TRIM24: variants seen among roughly 807,000 people sequenced by gnomAD.
The protein encoded by TRIM24 is transcription intermediary factor 1-alpha.
In TRIM24, 29 loss-of-function variants were observed where a neutral mutation model predicts 123.9. The observed-to-expected ratio is 0.23, with a 90% CI of 0.17 to 0.32. TRIM24 has a LOEUF of 0.32. TRIM24 is among the 10% of genes least tolerant of loss of function. The pLI is 1.00. For missense variants in TRIM24, 932 were observed against 1,295.3 expected (o/e 0.72, Z 4.31); for synonymous variants, 456 against 461.1 (o/e 0.99, Z 0.14).
intron 1 of TRIM24, among the ~76,000 whole-genome samples, chr7:138,490,334 C>T (rs1225231164): frequency 6.6e-6 from 1 of 152,138 alleles, no homozygotes; most frequent in African/African-American, 2.4e-5. Context: ...TATTACCAAC[C>T]TTCTGATGCC....
At chr7:138,465,287 T>C (rs1795111377) in intron 1 of TRIM24, among the ~76,000 whole-genome samples, 1 of 152,220 alleles carries the variant, frequency 6.6e-6, no homozygotes, top group East Asian at 1.9e-4. Flanking sequence ...ACTGTCATTT[T>C]CTTAGTATGC....
chr7:138,570,677 T>C (rs1371925183), intron 10 of TRIM24, among the ~76,000 whole-genome samples, 153 bp from the exon 11 acceptor site: 1 of 140,912 alleles, frequency 7.1e-6, no homozygotes, highest in Non-Finnish European at 1.5e-5. Flanking sequence ...TTAATGAAAA[T>C]TATATATACT....
rs1258996534 is a variant in TRIM24, at chr7:138,589,821, A to G, written c.*4870A>G. ...AAGTTTGAAAGGTTTTGATTCTTGT[A>G]ATTTCTGAGAATTACTATGTTTTAA... On this transcript the variant is annotated 3_prime_UTR_variant, in exon 19 of 19. Coordinates refer to ENST00000343526, the MANE Select transcript of TRIM24 (RefSeq NM_015905.3). 1 of 152,146 alleles carries G rather than the reference A, an allele frequency of 6.6e-6. No individual in the cohort carries two copies. The highest frequency in any genetic ancestry group is 2.1e-4 in the South Asian group (1 of 4,832). 9.4% of individuals were successfully genotyped at this position (152,146 alleles called of 1,614,324 possible).
chr7:138,549,325 G>A (rs1797163699), intron 7 of TRIM24, among the ~76,000 whole-genome samples: 1 of 152,170 alleles, frequency 6.6e-6, no homozygotes, highest in South Asian at 2.1e-4. Flanking sequence ...CTGAGCCCTG[G>A]GCATTCCAGC....
rs755573718 is a variant in TRIM24, at chr7:138,504,455, T to G, written c.483+47T>G. 8.7e-3 allele frequency: 9,246 copies of G among 1,068,694 alleles called. 122 individuals are homozygous for G. The highest frequency in any genetic ancestry group is 0.01 in the South Asian group (470 of 46,872). The allele number at this position is 1,068,694 out of a possible 1,614,324, so 66.2% of individuals were successfully genotyped here. A position where few individuals can be genotyped will look rare whatever the true frequency, so the allele number is the denominator to read the frequency against. Reference sequence around the variant, plus strand: ...CCTTTTGCCTGCCAGCTCTTTTTTTTTTTTTTTTTTTTTTTTTTGAGACAG... The same window carrying G: ...CCTTTTGCCTGCCAGCTCTTTTTTTGTTTTTTTTTTTTTTTTTTGAGACAG... On this transcript the variant is annotated intron_variant, in intron 2 of 18. Coordinates refer to ENST00000343526, the MANE Select transcript of TRIM24 (RefSeq NM_015905.3).
rs142422950 is a variant in TRIM24 at position 138,465,513 on chromosome 7, T to A, written c.364+4601T>A. Among the ~76,000 whole-genome samples, 9 of 152,360 alleles carry A rather than the reference T, an allele frequency of 5.9e-5. No individual in the cohort carries two copies. The East Asian group carries it at 1.7e-3, about 29-fold the overall frequency. On this transcript the variant is annotated intron_variant, in intron 1 of 18. Transcript: ENST00000343526. ...TTGAAGAGCTATTTTTAACAAATAC[T>A]GAGAACATACTTTTGAAAGGTATTA...
chr7:138,589,287 A>G lies in TRIM24; in HGVS notation c.*4336A>G, dbSNP rs1798067202. 1.3e-5 allele frequency: 2 copies of G among 152,170 alleles called. No individual in the cohort carries two copies. Among genetic ancestry groups the G allele is most frequent in the African/African-American group, 4.8e-5 (2 of 41,442 alleles). 9.4% of individuals were successfully genotyped at this position (152,170 alleles called of 1,614,324 possible). Reference sequence around the variant, plus strand: ...ATGAAGGTTTTACTTATTGAGAGGGACATCTGAGGCAGTAGTCTTCGTCTT... The same window carrying G: ...ATGAAGGTTTTACTTATTGAGAGGGGCATCTGAGGCAGTAGTCTTCGTCTT... On this transcript the variant is annotated 3_prime_UTR_variant, in exon 19 of 19. Transcript: ENST00000343526.
At position 138,583,358 on chromosome 7, in the gene TRIM24, G is replaced by A. The variant is rs183439082; in HGVS notation, c.2794-492G>A. On this transcript the variant is annotated intron_variant, in intron 17 of 18. Transcript: ENST00000343526. ...ATTGGGGCTGGGTGCAGTGGCTCAC[G>A]CCTGTAATCCCAACATTTTGGGAGG... Among the ~76,000 whole-genome samples the A allele has an allele frequency of 4.9e-4, 74 of 152,250 alleles. 1 individual carries two copies. Among genetic ancestry groups the A allele is most frequent in the African/African-American group, 1.7e-3 (71 of 41,570 alleles).
At chr7:138,563,849 C>T (rs1254122559) in intron 9 of TRIM24, among the ~76,000 whole-genome samples, 3 of 152,296 alleles carry the variant, frequency 2.0e-5, no homozygotes, top group Non-Finnish European at 4.4e-5. Context: ...GAGTGCTTCT[C>T]GGTACCTCTG....
intron 6 of TRIM24, among the ~76,000 whole-genome samples, chr7:138,531,078 C>G (rs981205401): frequency 6.6e-6 from 1 of 152,084 alleles, no homozygotes; most frequent in African/African-American, 2.4e-5. Context: ...ATCCTCCTGA[C>G]TGAGAAGCTG....
intron 1 of TRIM24, among the ~76,000 whole-genome samples, chr7:138,464,383 A>C (rs1376743944): frequency 6.6e-6 from 1 of 151,884 alleles, no homozygotes; most frequent in Non-Finnish European, 1.5e-5. Context: ...TACAGGCATC[A>C]CAAGTCAAGT....
chr7:138,558,218 T>C (rs1380241771), intron 9 of TRIM24, among the ~76,000 whole-genome samples: 4 of 152,096 alleles, frequency 2.6e-5, no homozygotes, highest in Admixed American at 2.6e-4. Context: ...AACAGGAGAA[T>C]GGACTAGGGT....
At chr7:138,543,633 A>G (rs1485214016) in intron 7 of TRIM24, among the ~76,000 whole-genome samples, 1 of 152,176 alleles carries the variant, frequency 6.6e-6, no homozygotes, top group Non-Finnish European at 1.5e-5. Flanking sequence ...ATATTTTACT[A>G]TATATTTAAA....
rs964895899 is a variant in TRIM24 at position 138,528,727 on chromosome 7, A to G, written c.882-389A>G. Among the ~76,000 whole-genome samples, 20 of 151,298 alleles carry G rather than the reference A, an allele frequency of 1.3e-4. No individual in the cohort carries two copies. The East Asian group carries it at 1.6e-3, about 12-fold the overall frequency. Reference sequence around the variant, plus strand: ...TTTCTAGCTTTCGGTTGCAATTAATATAGTAGAACATGTTCAGAATCATCA... The same window carrying G: ...TTTCTAGCTTTCGGTTGCAATTAATGTAGTAGAACATGTTCAGAATCATCA... On this transcript the variant is annotated intron_variant, in intron 5 of 18. Transcript: ENST00000343526.
intron 1 of TRIM24, among the ~76,000 whole-genome samples, chr7:138,477,814 A>C (rs1444678038): frequency 6.6e-6 from 1 of 152,162 alleles, no homozygotes; most frequent in Non-Finnish European, 1.5e-5. Context: ...AGGCTTGAAA[A>C]GGTTTGGAGC....
chr7:138,470,527 C>T (rs1177608525), intron 1 of TRIM24, among the ~76,000 whole-genome samples: 4 of 152,154 alleles, frequency 2.6e-5, no homozygotes, highest in African/African-American at 9.7e-5. Flanking sequence ...TAGGCCATTA[C>T]CAGGCCTCTG....
Position 138,579,278 on chromosome 7 carries a change from G to A in TRIM24, c.2331G>A (p.Val777=), listed in dbSNP as rs1471330398. ...SSQSSTSEET[V]LRSDAPDSTG... is the part of the protein sequence containing the mutation. ...AGAGCTCTACTTCTGAGGAGACTGT[G>A]CTAAGATCAGATGCCCCTGATAGTA... The change falls in exon 15 of 19, where the codon GTG becomes GTA. Residue 777 remains valine, a synonymous_variant. Transcript: ENST00000343526. The A allele has an allele frequency of 6.2e-7, 1 of 1,614,026 alleles. No homozygotes were observed. Among genetic ancestry groups the A allele is most frequent in the African/African-American group, 1.3e-5 (1 of 74,918 alleles).
intron 1 of TRIM24, among the ~76,000 whole-genome samples, chr7:138,487,774 G>A (rs1359191447): frequency 6.6e-5 from 10 of 151,994 alleles, no homozygotes; most frequent in Admixed American, 3.3e-4. Flanking sequence ...TTTTCACATC[G>A]ATGTTCATCA....
At chr7:138,540,240 T>C (rs1796975325) in intron 7 of TRIM24, among the ~76,000 whole-genome samples, 1 of 152,208 alleles carries the variant, frequency 6.6e-6, no homozygotes, top group Non-Finnish European at 1.5e-5. Context: ...TAAAATAAGA[T>C]GACAATGAAG....
Sources: allele counts gnomAD v4.1 joint callset (sites outside exome capture counted in the v4.1 genomes callset), GRCh38; gene constraint gnomAD v4.1.1; transcripts MANE v1.5; gene names NCBI Gene and HGNC (gene_info 2026-07-23, HGNC 2026-07-21).